Variants in USP16 observed in about 807,000 individuals in gnomAD.
The protein encoded by USP16 is ubiquitin carboxyl-terminal hydrolase 16.
A neutral mutation model predicts 95.9 loss-of-function variants in USP16; 77 were observed. That is an observed-to-expected ratio of 0.80 (90% CI 0.67 to 0.97). USP16 has a LOEUF of 0.97. USP16 is among the 50% of genes least tolerant of loss of function. The pLI, the probability that USP16 is intolerant of heterozygous loss-of-function variation, is 0.00. For missense variants in USP16, 943 were observed against 959.9 expected (o/e 0.98, Z 0.23); for synonymous variants, 303 against 318.2 (o/e 0.95, Z 0.51).
chr21:29,043,619 A>G lies in USP16; in HGVS notation c.1356+20A>G. 1.3e-6 allele frequency: 2 copies of G among 1,502,312 alleles called. No homozygotes were observed. The highest frequency in any genetic ancestry group is 1.4e-5 in the African/African-American group (1 of 70,210). 93.1% of individuals were successfully genotyped at this position (1,502,312 alleles called of 1,614,324 possible). ...GCCAAGGTGGGTAATTAGGAGGAAA[A>G]TCATATGCTTGTAATTTTATATTTT... On this transcript the variant is annotated intron_variant, in intron 13 of 17. Coordinates refer to ENST00000399976, the MANE Select transcript of USP16 (RefSeq NM_006447.3).
intron 1 of USP16, 114 bp downstream of exon 1, chr21:29,024,891 C>A: frequency 1.8e-6 from 2 of 1,085,072 alleles, no homozygotes; most frequent in Non-Finnish European, 2.4e-6. Context: ...TCTCCTTAAG[C>A]ACGTAACCCG....
chr21:29,036,123 G>A, intron 4 of USP16, 148 bp from the exon 5 acceptor site: 1 of 626,700 alleles, frequency 1.6e-6, no homozygotes, highest in South Asian at 2.1e-5. Flanking sequence ...AATATGCATA[G>A]TCTTCTTCAG....
At position 29,042,070 on chromosome 21, in the gene USP16, T is replaced by C. The variant is rs768798142; in HGVS notation, c.1088T>C (p.Leu363Pro). 6.2e-7 allele frequency: 1 copy of C among 1,613,418 alleles called. No homozygotes were observed. Among genetic ancestry groups the C allele is most frequent in the Non-Finnish European group, 8.5e-7 (1 of 1,179,628 alleles). Residue 363 changes from leucine (L) to proline (P), a missense_variant, in exon 11 of 18, where the codon CTA (leucine) becomes CCA (proline). Leu to Pro is a moderately conservative substitution (Grantham distance 98). Transcript: ENST00000399976. Reference protein sequence around the residue: ...SFVDRIFGGELTSMIMCDQCR... With the variant: ...SFVDRIFGGEPTSMIMCDQCR... The stretch of plus-strand genomic sequence containing the variant: ...GTTGACCGCATCTTTGGTGGTGAAC[T>C]AACTAGTATGATCATGTGTGATCAA...
At chr21:29,047,447 T>C in intron 14 of USP16, 126 bp downstream of exon 14, 1 of 1,095,646 alleles carries the variant, frequency 9.1e-7, no homozygotes, top group Non-Finnish European at 1.3e-6. Flanking sequence ...TCTGTGTAAA[T>C]ATTTTAATAG....
chr21:29,046,587 T>A, intron 13 of USP16, 80 bp from the exon 14 acceptor site: 1 of 1,424,478 alleles, frequency 7.0e-7, no homozygotes, highest in Non-Finnish European at 9.4e-7. Context: ...TGTTTTGTCC[T>A]TCTTCCTCTA....
In USP16 at chr21:29,036,320, G is replaced by A. The variant is rs747577870; in HGVS notation, c.394G>A (p.Gly132Ser). ...EVQYCSSNQL[G>S]QVVDYVRKQA... ...CCAGTATTGTAGTTCAAACCAGTTG[G>A]GTCAAGTGGTTGATTATGTCAGAAA... Residue 132 changes from glycine to serine, a missense_variant, in exon 5 of 18, where the codon GGT becomes AGT. By Grantham distance (56) the Gly-to-Ser change is moderately conservative. Transcript: ENST00000399976. 12 of 1,613,716 alleles carry A rather than the reference G, an allele frequency of 7.4e-6. No individual in the cohort carries two copies. In the East Asian group the frequency reaches 2.0e-4, roughly 27 times the overall value.
At chr21:29,048,048 C>CGTGTGTGTGTGTGTGTGTGTGT (rs67919060) in intron 14 of USP16, among the ~76,000 whole-genome samples, 15 of 123,722 alleles carry the variant, frequency 1.2e-4, no homozygotes, top group African/African-American at 4.1e-4. Flanking sequence ...AGAGACGATA[C>CGTGTGTGTGTGTGTGTGTGTGT]GTGTGTGTGT....
At chr21:29,029,985 A>G (rs2085054216) in intron 2 of USP16, among the ~76,000 whole-genome samples, 1 of 152,174 alleles carries the variant, frequency 6.6e-6, no homozygotes. Flanking sequence ...ATATTTAATT[A>G]ATATCAGCAA....
In USP16 at chr21:29,031,465, G is replaced by A. The variant is rs139625942; in HGVS notation, c.240+692G>A. ...TTTTTTGTTGTTTTTTTGAGATGGG[G>A]TCTCACTCTGTCACCCAGGCTGGAG... is the stretch of plus-strand genomic sequence containing the variant. On this transcript the variant is annotated intron_variant, in intron 3 of 17. Coordinates refer to ENST00000399976, the MANE Select transcript of USP16 (RefSeq NM_006447.3). Among the ~76,000 whole-genome samples, 203 of 152,202 alleles carry A rather than the reference G, an allele frequency of 1.3e-3. 1 individual carries two copies. Among genetic ancestry groups the A allele is most frequent in the African/African-American group, 4.8e-3 (200 of 41,528 alleles).
intron 13 of USP16, among the ~76,000 whole-genome samples, chr21:29,044,410 G>C (rs1228109361): frequency 2.7e-5 from 4 of 150,714 alleles, no homozygotes; most frequent in Non-Finnish European, 4.4e-5. Flanking sequence ...TAGATTCTTG[G>C]AGTCCTTTCC....
chr21:29,051,713 C>G (rs1300062122), intron 16 of USP16, among the ~76,000 whole-genome samples: 3 of 152,086 alleles, frequency 2.0e-5, no homozygotes, highest in Non-Finnish European at 4.4e-5. Flanking sequence ...CGCCTGTAAT[C>G]CCAGCTACTC....
At chr21:29,037,563 A>G (rs2085177856) in intron 6 of USP16, 100 bp downstream of exon 6, 2 of 592,684 alleles carry the variant, frequency 3.4e-6, no homozygotes, top group South Asian at 4.0e-5. Flanking sequence ...ATTTATTTCT[A>G]TGTATCCAAA....
chr21:29,038,435 GTTCTTTA>G lies in USP16; in HGVS notation c.732+6_732+12del. The G allele has an allele frequency of 1.2e-6, 2 of 1,601,142 alleles. No individual in the cohort carries two copies. The highest frequency in any genetic ancestry group is 1.7e-6 in the Non-Finnish European group (2 of 1,170,418). ...CCACCTGATTTGGCATTAACAGTAT[GTTCTTTA>G]AACTTTTCTAGTCTGTAACTTTCCT... On this transcript the variant is annotated splice_donor_region_variant and intron_variant, in intron 7 of 17. Transcript: ENST00000399976.
intron 6 of USP16, 71 bp downstream of exon 6, chr21:29,037,534 A>G (rs2085177078): frequency 6.0e-6 from 6 of 1,006,036 alleles, no homozygotes; most frequent in Non-Finnish European, 8.0e-6. Context: ...TACATTATTG[A>G]GTTTTTTCCA....
rs1457558487 is a variant in USP16 at position 29,045,008 on chromosome 21, T to TA, written c.1356+1410dup. On this transcript the variant is annotated intron_variant, in intron 13 of 17. Transcript: ENST00000399976. ...CTCCTGACCCTTGACAGCTGTGTGT[T>TA]ATCAAACTTCCAGATTTTGATTGGT... 1.4e-4 allele frequency among the ~76,000 whole-genome samples: 22 copies of TA among 152,328 alleles called. No individual in the cohort carries two copies. In the South Asian group the frequency reaches 4.6e-3, roughly 32 times the overall value.
At position 29,039,554 on chromosome 21, in the gene USP16, G is replaced by GC; in HGVS notation, c.938dup (p.Glu314ArgfsTer8). 1 of 1,612,784 alleles carries GC rather than the reference G, an allele frequency of 6.2e-7. No individual in the cohort carries two copies. The highest frequency in any genetic ancestry group is 1.1e-5 in the South Asian group (1 of 91,010). On this transcript the variant is annotated frameshift_variant, in exon 9 of 18. Transcript: ENST00000399976. LOFTEE classifies it high-confidence loss of function. ...TCGCTACTTATTGGATGGGATGAGA[G>GC]CAGAAGAACACCAAGTTAGCATGTT...
chr21:29,029,189 A>G (rs1008844513), intron 2 of USP16, among the ~76,000 whole-genome samples: 3 of 152,218 alleles, frequency 2.0e-5, no homozygotes, highest in East Asian at 3.9e-4. Flanking sequence ...CAAGGCGGGC[A>G]GATCACGAGG....
rs2085340491 is a variant in USP16, at chr21:29,047,242, G to A, written c.1932G>A (p.Glu644=). 1 of 1,614,014 alleles carries A rather than the reference G, an allele frequency of 6.2e-7. No homozygotes were observed. Among genetic ancestry groups the A allele is most frequent in the African/African-American group, 1.3e-5 (1 of 74,932 alleles). ...GTTTATATCAGTTCACCCGTAATGA[G>A]AAACTTCGAGATGCGAATAAACTGC... The part of the protein sequence containing the change: ...QHCLYQFTRN[E]KLRDANKLLC... Residue 644 remains glutamate (E), a synonymous_variant, in exon 14 of 18, where the codon GAG becomes GAA. Transcript: ENST00000399976.
rs2084958574 is a variant in USP16, at chr21:29,024,723, G to T, written c.-96G>T. On this transcript the variant is annotated 5_prime_UTR_variant, in exon 1 of 18. Transcript: ENST00000399976. ...CGTCACCAGGAGGAAGACGGAGCTG[G>T]CTGCCCAGCCCAAAGGCCCATGAGG... 1 of 1,289,272 alleles carries T rather than the reference G, an allele frequency of 7.8e-7. No individual in the cohort carries two copies. The highest frequency in any genetic ancestry group is 1.5e-5 in the African/African-American group (1 of 65,880). 79.9% of individuals were successfully genotyped at this position (1,289,272 alleles called of 1,614,324 possible).
Sources: gnomAD v4.1 joint callset for allele counts (sites outside exome capture counted in the v4.1 genomes callset) on GRCh38, gnomAD v4.1.1 for gene constraint, MANE v1.5 for transcripts, NCBI Gene and HGNC (gene_info 2026-07-23, HGNC 2026-07-21) for gene names.